ZNF652: variants seen among roughly 807,000 people sequenced by gnomAD.
ZNF652 encodes the protein zinc finger protein 652.
ZNF652 carries 16 observed loss-of-function variants against 45.2 expected under a neutral mutation model. The observed-to-expected ratio is 0.35, with a 90% CI of 0.24 to 0.54. The LOEUF (loss-of-function observed/expected upper bound fraction) is 0.54, where lower values mean the gene tolerates loss of function less well. Ranked by LOEUF, ZNF652 falls within the 20% of genes least tolerant of loss-of-function variation. The pLI is 0.91. For missense variants in ZNF652, 614 were observed against 765.6 expected (o/e 0.80, Z 2.34); for synonymous variants, 250 against 260.6 (o/e 0.96, Z 0.39).
rs200178711 is a variant in ZNF652 at position 49,336,942 on chromosome 17, G to GT, written c.-258-18960dup. 1.2e-3 allele frequency among the ~76,000 whole-genome samples: 136 copies of GT among 115,134 alleles called. 2 individuals carry two copies. In the Middle Eastern group the frequency reaches 0.02, roughly 17 times the overall value. 75.5% of individuals were successfully genotyped at this position (115,134 alleles called of 152,430 possible). A position where few individuals can be genotyped will look rare whatever the true frequency, so the allele number is the denominator to read the frequency against. On this transcript the variant is annotated intron_variant, in intron 1 of 5. Transcript: ENST00000430262. ...GCCCCGGCCTACTTTTCTTAATGGTGTTTTTTTTTTTTTTTTTTTTTTTAA... is the reference window on the plus strand; with the variant it reads ...GCCCCGGCCTACTTTTCTTAATGGTGTTTTTTTTTTTTTTTTTTTTTTTTAA...
chr17:49,325,075 C>T (rs547431811), intron 1 of ZNF652, among the ~76,000 whole-genome samples: 1 of 152,274 alleles, frequency 6.6e-6, no homozygotes, highest in Non-Finnish European at 1.5e-5. Context: ...CCTTCAAAAA[C>T]TTTTCCTTTG....
At chr17:49,318,385 A>T (rs925145204) in intron 1 of ZNF652, among the ~76,000 whole-genome samples, 1 of 152,168 alleles carries the variant, frequency 6.6e-6, no homozygotes, top group Non-Finnish European at 1.5e-5. Flanking sequence ...CAAAATTATT[A>T]AACTCTTTAC....
chr17:49,361,020 C>T, intron 1 of ZNF652: 1 of 152,264 alleles, frequency 6.6e-6, no homozygotes, highest in East Asian at 1.9e-4. Flanking sequence ...GTGGAAAGCA[C>T]CCTTCTCCAA....
intron 1 of ZNF652, among the ~76,000 whole-genome samples, chr17:49,354,062 T>C (rs933443601): frequency 6.6e-6 from 1 of 152,230 alleles, no homozygotes; most frequent in Admixed American, 6.5e-5. Context: ...TTATAATACA[T>C]GCAGAAGTGT....
At chr17:49,305,372 G>C (rs1190928721) in intron 5 of ZNF652, among the ~76,000 whole-genome samples, 1 of 151,922 alleles carries the variant, frequency 6.6e-6, no homozygotes, top group East Asian at 1.9e-4. Flanking sequence ...GCTTGAACCT[G>C]GGAGGCGGAG....
chr17:49,361,260 C>T (rs999410508), intron 1 of ZNF652: 2 of 152,134 alleles, frequency 1.3e-5, no homozygotes. Flanking sequence ...TGGAGACATC[C>T]CTCGACAATG....
chr17:49,298,240 C>T lies in ZNF652; in HGVS notation c.*173G>A, dbSNP rs959716374. 5 of 806,304 alleles carry T rather than the reference C, an allele frequency of 6.2e-6. No homozygotes were observed. The highest frequency in any genetic ancestry group is 5.2e-5 in the African/African-American group (3 of 57,548). 49.9% of individuals were successfully genotyped at this position (806,304 alleles called of 1,614,324 possible). ...GTTTAGATGACAGTCCCTCTGTGAG[C>T]TCAAGGTAGTCTTCTTGTTCATTCC... On this transcript the variant is annotated 3_prime_UTR_variant, in exon 6 of 6. Transcript: ENST00000430262.
intron 1 of ZNF652, among the ~76,000 whole-genome samples, chr17:49,352,057 A>G (rs912873256): frequency 6.6e-6 from 1 of 152,230 alleles, no homozygotes. Flanking sequence ...ACAGGTTGTC[A>G]ATGTTAACTG....
chr17:49,315,797 T>C lies in ZNF652; in HGVS notation c.900+1029A>G, dbSNP rs563247488. Among the ~76,000 whole-genome samples, 4 of 152,312 alleles carry C rather than the reference T, an allele frequency of 2.6e-5. No individual in the cohort carries two copies. The East Asian group carries it at 7.7e-4, about 29-fold the overall frequency. Reference sequence around the variant, plus strand: ...AGCGTGTTGGAGATCAAGTCACAATTGGTGAATCAAAAGCGGTGAATTTTT... The same window carrying C: ...AGCGTGTTGGAGATCAAGTCACAATCGGTGAATCAAAAGCGGTGAATTTTT... On this transcript the variant is annotated intron_variant, in intron 2 of 5. Coordinates refer to ENST00000430262, the MANE Select transcript of ZNF652 (RefSeq NM_001145365.3).
chr17:49,305,152 A>G (rs1042046707), intron 5 of ZNF652, among the ~76,000 whole-genome samples: 7 of 152,088 alleles, frequency 4.6e-5, no homozygotes, highest in Non-Finnish European at 7.4e-5. Flanking sequence ...CTACCCTTTG[A>G]TACTACTGAT....
intron 1 of ZNF652, among the ~76,000 whole-genome samples, chr17:49,351,012 TATACACACACACACACACACACAC>T (rs2070273149): frequency 4.9e-5 from 1 of 20,306 alleles, no homozygotes; most frequent in African/African-American, 1.9e-4. Context: ...TATATATATA[TATACACACACACACACACACACAC>T]ACACACACAC....
intron 5 of ZNF652, among the ~76,000 whole-genome samples, chr17:49,307,738 C>T (rs1035176529): frequency 2.0e-5 from 3 of 151,962 alleles, no homozygotes; most frequent in Non-Finnish European, 4.4e-5. Flanking sequence ...GGCAACAGAG[C>T]GAGACTCCAT....
At chr17:49,338,360 T>C (rs1053485524) in intron 1 of ZNF652, among the ~76,000 whole-genome samples, 4 of 152,132 alleles carry the variant, frequency 2.6e-5, no homozygotes, top group Non-Finnish European at 5.9e-5. Context: ...CTGGATGTGA[T>C]GCATGGAACT....
intron 4 of ZNF652, 111 bp from the exon 5 acceptor site, chr17:49,311,567 C>G: frequency 8.4e-7 from 1 of 1,195,916 alleles, no homozygotes; most frequent in Non-Finnish European, 1.1e-6. Context: ...AAAATAGAAC[C>G]TGCTTGTGTC....
At chr17:49,299,009 T>TCTCA in intron 5 of ZNF652, 85 bp from the exon 6 acceptor site, 1 of 1,372,812 alleles carries the variant, frequency 7.3e-7, no homozygotes, top group Non-Finnish European at 9.7e-7. Context: ...AGAAATGGGG[T>TCTCA]CTCACTATGT....
At chr17:49,350,085 G>A (rs368155724) in intron 1 of ZNF652, among the ~76,000 whole-genome samples, 2 of 152,144 alleles carry the variant, frequency 1.3e-5, no homozygotes, top group African/African-American at 4.8e-5. Context: ...AATTAAATAC[G>A]AAGTGTAGTT....
At chr17:49,354,305 G>A (rs576477785) in intron 1 of ZNF652, among the ~76,000 whole-genome samples, 25 of 151,998 alleles carry the variant, frequency 1.6e-4, no homozygotes, top group African/African-American at 5.8e-4. Flanking sequence ...AGAAAAAGAG[G>A]GGAAAAGGTA....
At chr17:49,301,333 G>A (rs145269604) in intron 5 of ZNF652, among the ~76,000 whole-genome samples, 124 of 151,798 alleles carry the variant, frequency 8.2e-4, no homozygotes, top group African/African-American at 2.6e-3. Context: ...TTGCTCTGTC[G>A]CCCAGGCTGA....
chr17:49,298,361 A>G lies in ZNF652; in HGVS notation c.*52T>C. On this transcript the variant is annotated 3_prime_UTR_variant, in exon 6 of 6. Transcript: ENST00000430262. ...AAATGCTCACCGACTCCCTCTGTGC[A>G]CGCTCACACATGGGGACGTGTCTCC... is the stretch of plus-strand genomic sequence containing the variant. The G allele has an allele frequency of 6.2e-7, 1 of 1,604,898 alleles. No individual in the cohort carries two copies. The highest frequency in any genetic ancestry group is 1.3e-5 in the African/African-American group (1 of 74,926).
Sources: allele counts gnomAD v4.1 joint callset (sites outside exome capture counted in the v4.1 genomes callset), GRCh38; gene constraint gnomAD v4.1.1; transcripts MANE v1.5; gene names NCBI Gene and HGNC (gene_info 2026-07-23, HGNC 2026-07-21).